The following SIPA1L2 variants were observed in gnomAD, a reference collection of about 807,000 sequenced individuals.
The protein encoded by SIPA1L2 is signal-induced proliferation-associated 1-like protein 2.
Under a neutral mutation model 163.9 loss-of-function variants are expected in SIPA1L2, and 56 were observed. That is an observed-to-expected ratio of 0.34 (90% confidence interval 0.28 to 0.43). The LOEUF is 0.43. Ranked by LOEUF, SIPA1L2 falls within the 20% of genes least tolerant of loss-of-function variation. The pLI is 1.00. For synonymous variants in SIPA1L2, 877 were observed against 865.7 expected, an observed-to-expected ratio of 1.01 and a Z score of -0.23; for missense variants, 1,974 against 2,193.5, an observed-to-expected ratio of 0.90 and a Z score of 2.00.
intron 8 of SIPA1L2, among the ~76,000 whole-genome samples, chr1:232,469,520 T>C (rs1270516157): frequency 2.0e-5 from 3 of 152,216 alleles, no homozygotes; most frequent in African/African-American, 7.2e-5. Context: ...ATACTAGTGA[T>C]GTTTTTAAGC....
Position 232,399,015 on chromosome 1 carries a change from G to T in SIPA1L2, c.*112C>A. On this transcript the variant is annotated 3_prime_UTR_variant, in exon 23 of 23. Transcript: ENST00000674635. ...GTGGTGAATGGTGCTACACAGAATG[G>T]AACAGCAAAAACATCTACGATTGGT... is the stretch of plus-strand genomic sequence containing the variant. 5 of 1,459,004 alleles carry T rather than the reference G, an allele frequency of 3.4e-6. No homozygotes were observed. Among genetic ancestry groups the T allele is most frequent in the Non-Finnish European group, 4.7e-6 (5 of 1,074,278 alleles). The allele number at this position is 1,459,004 out of a possible 1,614,324, so 90.4% of individuals were successfully genotyped here.
chr1:232,522,438 T>G (rs1667498323), intron 2 of SIPA1L2, among the ~76,000 whole-genome samples: 1 of 152,092 alleles, frequency 6.6e-6, no homozygotes. Flanking sequence ...TCACGTATCA[T>G]GTTTTTAAAA....
chr1:232,530,552 G>A (rs1469530120), intron 2 of SIPA1L2, among the ~76,000 whole-genome samples: 1 of 151,882 alleles, frequency 6.6e-6, no homozygotes, highest in Non-Finnish European at 1.5e-5. Context: ...AGATTTCTGA[G>A]CAAAAAGGTA....
At chr1:232,415,144 A>C (rs906914055) in intron 19 of SIPA1L2, among the ~76,000 whole-genome samples, 1 of 152,244 alleles carries the variant, frequency 6.6e-6, no homozygotes, top group Non-Finnish European at 1.5e-5. Flanking sequence ...CCCCCACATT[A>C]TACCTCAGTA....
At chr1:232,449,241 G>A (rs568898741) in intron 10 of SIPA1L2, among the ~76,000 whole-genome samples, 13 of 152,218 alleles carry the variant, frequency 8.5e-5, no homozygotes, top group East Asian at 1.9e-4. Context: ...AAAACTGGCC[G>A]GGCGCGGTGG....
At chr1:232,428,340 T>C in intron 17 of SIPA1L2, 71 bp downstream of exon 17, 2 of 1,323,566 alleles carry the variant, frequency 1.5e-6, no homozygotes, top group Non-Finnish European at 1.0e-6. Context: ...AACCTCTGAG[T>C]TTCTTTAGAC....
At chr1:232,512,418 C>T (rs1667020837) in intron 3 of SIPA1L2, among the ~76,000 whole-genome samples, 2 of 152,148 alleles carry the variant, frequency 1.3e-5, no homozygotes, top group Non-Finnish European at 1.5e-5. Flanking sequence ...GGCACATGCA[C>T]ACATATGTTT....
chr1:232,457,581 T>C (rs1211534415), intron 10 of SIPA1L2, among the ~76,000 whole-genome samples: 8 of 152,222 alleles, frequency 5.3e-5, no homozygotes, highest in African/African-American at 1.7e-4. Context: ...TCATTTTCCA[T>C]GCTGCAAGTC....
chr1:232,471,363 T>G lies in SIPA1L2; in HGVS notation c.2243+8A>C. On this transcript the variant is annotated splice_region_variant and intron_variant, in intron 8 of 22. Coordinates refer to ENST00000674635, the MANE Select transcript of SIPA1L2 (RefSeq NM_020808.5). ...GGGAGAATGATAGATCAGGGATGAC[T>G]GACTCACCTATAACACACATTTTCG... 1 of 1,608,510 alleles carries G rather than the reference T, an allele frequency of 6.2e-7. No individual in the cohort carries two copies. Among genetic ancestry groups the G allele is most frequent in the Non-Finnish European group, 8.5e-7 (1 of 1,178,066 alleles).
chr1:232,442,243 A>G (rs984592613), intron 12 of SIPA1L2, among the ~76,000 whole-genome samples: 2 of 150,334 alleles, frequency 1.3e-5, no homozygotes, highest in African/African-American at 4.9e-5. Context: ...CTTTATATTA[A>G]ATTTTTCTTA....
chr1:232,535,784 G>A (rs1485810677), intron 2 of SIPA1L2, among the ~76,000 whole-genome samples: 1 of 152,066 alleles, frequency 6.6e-6, no homozygotes, highest in African/African-American at 2.4e-5. Flanking sequence ...TACTTTGTGA[G>A]GTATGTATTA....
chr1:232,465,292 C>T lies in SIPA1L2; in HGVS notation c.2368G>A (p.Ala790Thr). ...LLAKVINAEN[A>T]AHKSEKFRAM... ...CGAAACTTTTCTGATTTATGGGCTG[C>T]ATTTTCTGCATTGATTACTTTGGCT... The change falls in exon 9 of 23, where the codon GCA (alanine) becomes ACA (threonine). Residue 790 changes from alanine (A) to threonine (T), a missense_variant. Ala to Thr is a moderately conservative substitution (Grantham distance 58). This residue lies in a region of SIPA1L2 where 288 missense variants were observed against 418.9 expected (regional missense o/e 0.69). Coordinates refer to ENST00000674635, the MANE Select transcript of SIPA1L2 (RefSeq NM_020808.5). This position sits in a 1 kb window ranked among gnomAD's most constrained non-coding sequence, Gnocchi z 4.1. 1 of 1,614,128 alleles carries T rather than the reference C, an allele frequency of 6.2e-7. No individual in the cohort carries two copies. Among genetic ancestry groups the T allele is most frequent in the Non-Finnish European group, 8.5e-7 (1 of 1,180,012 alleles).
rs1296759059 is a variant in SIPA1L2 at position 232,514,975 on chromosome 1, C to T, written c.365G>A (p.Ser122Asn). The change falls in exon 3 of 23, where the codon AGT becomes AAT. Residue 122 changes from serine (S) to asparagine (N), a missense_variant. By Grantham distance (46) the Ser-to-Asn change is conservative. Coordinates refer to ENST00000674635, the MANE Select transcript of SIPA1L2 (RefSeq NM_020808.5). ...SVLQNGQSDQ[S>N]EGQQDEQLDL... ...GAGCTGTTCATCTTGCTGACCTTCA[C>T]TCTGGTCACTCTGCCCATTCTGCAG... The T allele has an allele frequency of 6.2e-7, 1 of 1,614,172 alleles. No homozygotes were observed. Among genetic ancestry groups the T allele is most frequent in the Admixed American group, 1.7e-5 (1 of 60,026 alleles).
At chr1:232,523,409 C>T (rs1449312226) in intron 2 of SIPA1L2, among the ~76,000 whole-genome samples, 5 of 152,180 alleles carry the variant, frequency 3.3e-5, no homozygotes, top group Non-Finnish European at 5.9e-5. Flanking sequence ...AATGTGACCC[C>T]TGAATTACAG....
intron 3 of SIPA1L2, among the ~76,000 whole-genome samples, chr1:232,506,935 A>G (rs891075705): frequency 6.6e-6 from 1 of 152,234 alleles, no homozygotes; most frequent in Non-Finnish European, 1.5e-5. Context: ...TTTCTAGAAA[A>G]GCTGTAAATA....
At chr1:232,463,071 C>T (rs774222971) in intron 9 of SIPA1L2, among the ~76,000 whole-genome samples, 1 of 152,196 alleles carries the variant, frequency 6.6e-6, no homozygotes, top group Non-Finnish European at 1.5e-5. Flanking sequence ...ATGCGAGGCT[C>T]CTTATGAAAA....
At chr1:232,461,913 G>C (rs907709780) in intron 9 of SIPA1L2, among the ~76,000 whole-genome samples, 1 of 152,194 alleles carries the variant, frequency 6.6e-6, no homozygotes, top group African/African-American at 2.4e-5. Context: ...AGGCCAGCCA[G>C]ACTCCTTGGC....
rs76102979 is a variant in SIPA1L2, at chr1:232,465,205, T to G, written c.2455A>C (p.Thr819Pro). The part of the protein sequence containing the change: ...LKDLAENFVT[T>P]ATVDTSVKFS... ...TTCACAGAGGTATCCACGGTGGCGGTTGTGACAAAGTTCTCCGCCAGATCT... is the reference window on the plus strand; with the variant it reads ...TTCACAGAGGTATCCACGGTGGCGGGTGTGACAAAGTTCTCCGCCAGATCT... Residue 819 changes from threonine (T) to proline (P), a missense_variant, in exon 9 of 23, where the codon ACC (threonine) becomes CCC (proline). Physicochemically the swap from Thr to Pro is conservative, Grantham distance 38. This residue lies in a region of SIPA1L2 where 288 missense variants were observed against 418.9 expected (regional missense o/e 0.69). Coordinates refer to ENST00000674635, the MANE Select transcript of SIPA1L2 (RefSeq NM_020808.5). This position sits in a 1 kb window ranked among gnomAD's most constrained non-coding sequence, Gnocchi z 4.1. 1 of 1,614,154 alleles carries G rather than the reference T, an allele frequency of 6.2e-7. No individual in the cohort carries two copies. The highest frequency in any genetic ancestry group is 8.5e-7 in the Non-Finnish European group (1 of 1,180,032).
chr1:232,472,141 G>A (rs1266365971), intron 7 of SIPA1L2, among the ~76,000 whole-genome samples: 2 of 152,192 alleles, frequency 1.3e-5, no homozygotes, highest in East Asian at 3.8e-4. Flanking sequence ...CTGGCAGGGG[G>A]AATGATGCTC....
Sources: allele counts gnomAD v4.1 joint callset (sites outside exome capture counted in the v4.1 genomes callset), GRCh38; gene constraint gnomAD v4.1.1; regional missense constraint gnomAD v4.1.1; non-coding constraint Gnocchi (gnomAD v3.1); transcripts MANE v1.5; gene names NCBI Gene and HGNC (gene_info 2026-07-23, HGNC 2026-07-21).